Variants in RLF observed in about 807,000 individuals in gnomAD.
RLF encodes the protein zinc finger protein Rlf.
A neutral mutation model predicts 162.9 loss-of-function variants in RLF; 7 were observed. The ratio of observed to expected loss-of-function variants is 0.04; its 90% CI spans 0.02 to 0.08. The LOEUF is 0.08. Ranked by LOEUF, RLF falls within the 10% of genes least tolerant of loss-of-function variation. The pLI, the probability that RLF is intolerant of heterozygous loss-of-function variation, is 1.00. For missense variants in RLF, 1,664 were observed against 2,244.7 expected (o/e 0.74, Z 5.23); for synonymous variants, 782 against 791.5 (o/e 0.99, Z 0.20).
At chr1:40,180,684 ATGTCTTCCTTGGAGAAATGTCT>A (rs1448811963) in intron 1 of RLF, among the ~76,000 whole-genome samples, 2 of 152,146 alleles carry the variant, frequency 1.3e-5, no homozygotes, top group East Asian at 3.9e-4. Context: ...GGCCATTTGT[ATGTCTTCCTTGGAGAAATGTCT>A]TTTCAAGTCT....
At chr1:40,176,540 G>A (rs1642328154) in intron 1 of RLF, among the ~76,000 whole-genome samples, 1 of 152,166 alleles carries the variant, frequency 6.6e-6, no homozygotes, top group Admixed American at 6.5e-5. Flanking sequence ...CCCAGGCTCA[G>A]GTGATTCTCC....
chr1:40,219,915 T>C (rs1642969808), intron 5 of RLF, among the ~76,000 whole-genome samples: 1 of 152,108 alleles, frequency 6.6e-6, no homozygotes, highest in Admixed American at 6.6e-5. Context: ...ACAATCCCTG[T>C]GGTAACTTAG....
intron 1 of RLF, among the ~76,000 whole-genome samples, chr1:40,166,093 GCCTACATAA>G (rs1642161863): frequency 1.3e-5 from 2 of 152,266 alleles, no homozygotes; most frequent in South Asian, 4.1e-4. Flanking sequence ...TAAACGTGGT[GCCTACATAA>G]TTTGTTTCCA....
intron 5 of RLF, among the ~76,000 whole-genome samples, chr1:40,206,526 T>C (rs1477468175): frequency 6.6e-6 from 1 of 152,252 alleles, no homozygotes; most frequent in Admixed American, 6.5e-5. Context: ...GTTTTACTGT[T>C]GGCCTCTACA....
chr1:40,193,126 GCAAAAAAAAAAA>G (rs1642582538), intron 3 of RLF, among the ~76,000 whole-genome samples: 1 of 34,520 alleles, frequency 2.9e-5, no homozygotes, highest in Non-Finnish European at 5.9e-5. Flanking sequence ...AGTGGTCTTA[GCAAAAAAAAAAA>G]AAAAAAAAGA....
chr1:40,172,428 T>C (rs1447337169), intron 1 of RLF, among the ~76,000 whole-genome samples: 1 of 152,236 alleles, frequency 6.6e-6, no homozygotes, highest in African/African-American at 2.4e-5. Flanking sequence ...CAGTGTCCCA[T>C]GAACTTCCTT....
At chr1:40,195,143 G>T (rs1642616486) in intron 3 of RLF, among the ~76,000 whole-genome samples, 1 of 150,834 alleles carries the variant, frequency 6.6e-6, no homozygotes, top group African/African-American at 2.4e-5. Context: ...CCCCATCCTA[G>T]TTTTTTTCTA....
At position 40,239,079 on chromosome 1, in the gene RLF, T is replaced by A; in HGVS notation, c.4377T>A (p.Ser1459Arg). The A allele has an allele frequency of 6.2e-7, 1 of 1,614,184 alleles. No homozygotes were observed. The highest frequency in any genetic ancestry group is 8.5e-7 in the Non-Finnish European group (1 of 1,180,028). ...NGCGQIFTHR[S>R]NYSQHVYYRH... ...GTGGCCAGATTTTCACCCATCGCAG[T>A]AATTACTCACAACATGTATATTACC... Residue 1459 changes from serine to arginine, a missense_variant, in exon 8 of 8, where the codon AGT becomes AGA. Ser to Arg is a moderately radical substitution (Grantham distance 110). Around this residue, in one of 15 missense-constraint regions of RLF, gnomAD observed 200 missense variants for 207.3 expected, o/e 0.96. Transcript: ENST00000372771.
chr1:40,240,845 C>T lies in RLF; in HGVS notation c.*398C>T, dbSNP rs958427856. On this transcript the variant is annotated 3_prime_UTR_variant, in exon 8 of 8. Coordinates refer to ENST00000372771, the MANE Select transcript of RLF (RefSeq NM_012421.4). Reference sequence around the variant, plus strand: ...TGACTTGAATGTGCACCTGAGGGTGCTTTGTGTAATATATTGTACACTACA... The same window carrying T: ...TGACTTGAATGTGCACCTGAGGGTGTTTTGTGTAATATATTGTACACTACA... 7.6e-5 allele frequency: 14 copies of T among 183,932 alleles called. No individual in the cohort carries two copies. Among genetic ancestry groups the T allele is most frequent in the Non-Finnish European group, 1.4e-4 (12 of 87,368 alleles). 11.4% of individuals were successfully genotyped at this position (183,932 alleles called of 1,614,324 possible). A position where few individuals can be genotyped will look rare whatever the true frequency, so the allele number is the denominator to read the frequency against.
intron 4 of RLF, 94 bp downstream of exon 4, chr1:40,195,858 A>G (rs1288346671): frequency 6.4e-6 from 7 of 1,091,320 alleles, no homozygotes; most frequent in Non-Finnish European, 7.8e-6. Flanking sequence ...TTGTGTATAT[A>G]TCTAGTCTTT....
chr1:40,174,633 AT>A (rs1214747627), intron 1 of RLF, among the ~76,000 whole-genome samples: 1 of 152,178 alleles, frequency 6.6e-6, no homozygotes, highest in Non-Finnish European at 1.5e-5. Context: ...AGTATGTTTT[AT>A]TTGTACCATA....
chr1:40,193,205 C>T (rs1642584529), intron 3 of RLF, among the ~76,000 whole-genome samples: 1 of 150,246 alleles, frequency 6.7e-6, no homozygotes, highest in African/African-American at 2.4e-5. Flanking sequence ...TAGGATATTT[C>T]CACCTTAAAA....
At chr1:40,230,870 G>T (rs574604722) in intron 6 of RLF, among the ~76,000 whole-genome samples, 2 of 152,082 alleles carry the variant, frequency 1.3e-5, no homozygotes, top group East Asian at 1.9e-4. Context: ...GCTTTTTTGC[G>T]TGAGTGTTTT....
rs781114888 is a variant in RLF, at chr1:40,238,605, T to C, written c.3903T>C (p.Tyr1301=). 2 of 1,613,738 alleles carry C rather than the reference T, an allele frequency of 1.2e-6. No homozygotes were observed. Among genetic ancestry groups the C allele is most frequent in the Admixed American group, 1.7e-5 (1 of 60,016 alleles). Residue 1301 remains tyrosine (Y), a synonymous_variant, in exon 8 of 8, where the codon TAT becomes TAC. Coordinates refer to ENST00000372771, the MANE Select transcript of RLF (RefSeq NM_012421.4). The surrounding 1 kb of genome is among the most constrained non-coding windows in gnomAD (Gnocchi z 5.2). ...RRTVAKGNLC[Y]ILNKYHKPFH... ...CTGTTGCTAAAGGAAATCTGTGTTA[T>C]ATTTTGAATAAATACCACAAACCAT...
At position 40,196,056 on chromosome 1, in the gene RLF, G is replaced by A. The variant is rs557757169; in HGVS notation, c.607+292G>A. On this transcript the variant is annotated intron_variant, in intron 4 of 7. Coordinates refer to ENST00000372771, the MANE Select transcript of RLF (RefSeq NM_012421.4). ...GCTGTAATCTTTGGTGTGTGGTAGAGCTTTGCTTATACTTTTCTTTTCTTT... is the reference window on the plus strand; with the variant it reads ...GCTGTAATCTTTGGTGTGTGGTAGAACTTTGCTTATACTTTTCTTTTCTTT... Among the ~76,000 whole-genome samples the A allele has an allele frequency of 5.3e-5, 8 of 151,940 alleles. No individual in the cohort carries two copies. In the East Asian group the frequency reaches 7.7e-4, roughly 15 times the overall value.
chr1:40,179,726 G>T (rs1047106173), intron 1 of RLF, among the ~76,000 whole-genome samples: 2 of 152,022 alleles, frequency 1.3e-5, no homozygotes, highest in African/African-American at 4.8e-5. Flanking sequence ...GTGAAAGTAT[G>T]TACCCATTAA....
intron 5 of RLF, among the ~76,000 whole-genome samples, chr1:40,220,348 A>G (rs1475391652): frequency 6.6e-6 from 1 of 152,196 alleles, no homozygotes; most frequent in Admixed American, 6.5e-5. Context: ...TTTCTATGCC[A>G]TGCTCACTCT....
intron 5 of RLF, among the ~76,000 whole-genome samples, chr1:40,220,001 C>T (rs1642971012): frequency 6.6e-6 from 1 of 152,086 alleles, no homozygotes; most frequent in Non-Finnish European, 1.5e-5. Context: ...AATCCCAGCA[C>T]TTTGGGAGGC....
At chr1:40,174,692 AT>A (rs1313481850) in intron 1 of RLF, among the ~76,000 whole-genome samples, 1 of 152,182 alleles carries the variant, frequency 6.6e-6, no homozygotes, top group African/African-American at 2.4e-5. Flanking sequence ...AAGGGGTGAG[AT>A]TTTTAAAAAC....
Sources: gnomAD v4.1 joint callset for allele counts (sites outside exome capture counted in the v4.1 genomes callset) on GRCh38, gnomAD v4.1.1 for gene constraint, gnomAD v4.1.1 regional missense constraint, Gnocchi (gnomAD v3.1) non-coding constraint, MANE v1.5 for transcripts, NCBI Gene and HGNC (gene_info 2026-07-23, HGNC 2026-07-21) for gene names.